The following FBXW9 variants were observed in gnomAD, a reference collection of about 807,000 sequenced individuals.
FBXW9 encodes the protein F-box and WD repeat domain containing 9, also known as F-box/WD repeat-containing protein 9.
In FBXW9, 38 loss-of-function variants were observed where a neutral mutation model predicts 55.8. The observed-to-expected ratio is 0.68, with a 90% CI of 0.53 to 0.89. FBXW9 has a LOEUF of 0.89. FBXW9 is among the 40% of genes least tolerant of loss of function. The pLI is 0.00. For synonymous variants in FBXW9, 289 were observed against 278.2 expected, an observed-to-expected ratio of 1.04 and a Z score of -0.38; for missense variants, 590 against 619.4, an observed-to-expected ratio of 0.95 and a Z score of 0.50.
Position 12,694,859 on chromosome 19 carries a change from G to A in FBXW9, c.489C>T (p.Val163=), listed in dbSNP as rs775815549. The A allele has an allele frequency of 5.6e-6, 9 of 1,614,054 alleles. No homozygotes were observed. In the Admixed American group the frequency reaches 8.3e-5, roughly 15 times the overall value. Reference sequence around the variant, plus strand: ...GGCCTTCGGCCAGGCAGAAGTATTCGACCCAGCGCCCATCCTCTGCCCAGC... The same window carrying A: ...GGCCTTCGGCCAGGCAGAAGTATTCAACCCAGCGCCCATCCTCTGCCCAGC... The part of the protein sequence containing the change: ...LSRWAEDGRW[V]EYFCLAEGHV... The change falls in exon 2 of 10, where the codon GTC becomes GTT. Residue 163 remains valine, a synonymous_variant. Transcript: ENST00000393261.
chr19:12,690,881 GTAT>G (rs759922002), intron 5 of FBXW9, among the ~76,000 whole-genome samples: 4 of 152,126 alleles, frequency 2.6e-5, no homozygotes, highest in Non-Finnish European at 5.9e-5. Flanking sequence ...GGCTGCTGTG[GTAT>G]TATTATCTGG....
At chr19:12,690,198 T>C in intron 5 of FBXW9, 88 bp from the exon 6 acceptor site, 1 of 1,588,748 alleles carries the variant, frequency 6.3e-7, no homozygotes, top group Non-Finnish European at 8.5e-7. Context: ...GTCTCCATCC[T>C]GTCTGGCAAA....
chr19:12,692,991 C>G (rs1028814860), intron 3 of FBXW9, among the ~76,000 whole-genome samples: 3 of 152,156 alleles, frequency 2.0e-5, no homozygotes, highest in Non-Finnish European at 2.9e-5. Flanking sequence ...CATCCCTTGC[C>G]TCAGGAGCTA....
At position 12,689,915 on chromosome 19, in the gene FBXW9, G is replaced by A; in HGVS notation, c.1033-41C>T. Reference sequence around the variant, plus strand: ...GGGACGGGACAGCTCAGGCCGGGCTGGGCCTGCAACAGTCCCCATCCCTCC... The same window carrying A: ...GGGACGGGACAGCTCAGGCCGGGCTAGGCCTGCAACAGTCCCCATCCCTCC... On this transcript the variant is annotated intron_variant, in intron 6 of 9. Coordinates refer to ENST00000393261, the MANE Select transcript of FBXW9 (RefSeq NM_032301.3). This position sits in a 1 kb window ranked among gnomAD's most constrained non-coding sequence, Gnocchi z 5.9. The A allele has an allele frequency of 1.2e-6, 2 of 1,612,058 alleles. No individual in the cohort carries two copies. Among genetic ancestry groups the A allele is most frequent in the Non-Finnish European group, 1.7e-6 (2 of 1,178,266 alleles).
rs139736936 is a variant in FBXW9, at chr19:12,691,155, C to G, written c.883+11G>C. ...CATCTCCCAACCTGGGCCCCAGGAC[C>G]CTTGGCCCACCTCTGGGGTCGTAGA... On this transcript the variant is annotated intron_variant, in intron 5 of 9. Transcript: ENST00000393261. The G allele has an allele frequency of 1.6e-3, 2,540 of 1,612,986 alleles. 40 individuals carry two copies. The African/African-American group carries it at 0.029, about 19-fold the overall frequency.
At chr19:12,692,651 C>T (rs952457166) in intron 3 of FBXW9, among the ~76,000 whole-genome samples, 6 of 151,456 alleles carry the variant, frequency 4.0e-5, no homozygotes, top group East Asian at 1.9e-4. Flanking sequence ...CCTCCCGAGT[C>T]GCTGGGACTA....
Position 12,689,234 on chromosome 19 carries a change from G to A in FBXW9, c.1359C>T (p.Val453=). ...VAGSGDLSLE[V]WRLQA The stretch of plus-strand genomic sequence containing the variant: ...CACCTGCTCAGGCCTGCAGCCTCCA[G>A]ACCTCTAGCGACAGGTCTCCAGAGC... Residue 453 remains valine, a synonymous_variant, in exon 10 of 10, where the codon GTC becomes GTT. Coordinates refer to ENST00000393261, the MANE Select transcript of FBXW9 (RefSeq NM_032301.3). The surrounding 1 kb of genome is among the most constrained non-coding windows in gnomAD (Gnocchi z 5.9). 2 of 1,613,168 alleles carry A rather than the reference G, an allele frequency of 1.2e-6. No individual in the cohort carries two copies. The highest frequency in any genetic ancestry group is 1.7e-6 in the Non-Finnish European group (2 of 1,179,058).
chr19:12,689,387 G>A lies in FBXW9; in HGVS notation c.1287C>T (p.Asp429=). The part of the protein sequence containing the change: ...PPRTICTRRH[D]NGLNRVCAEG... ...AGGACCTTACCCTATTGAGCCCATT[G>A]TCATGCCTTCGGGTGCAAATGGTCC... Residue 429 remains aspartate (D), a synonymous_variant, in exon 9 of 10, where the codon GAC becomes GAT. Coordinates refer to ENST00000393261, the MANE Select transcript of FBXW9 (RefSeq NM_032301.3). This position sits in a 1 kb window ranked among gnomAD's most constrained non-coding sequence, Gnocchi z 5.9. 7 of 1,614,180 alleles carry A rather than the reference G, an allele frequency of 4.3e-6. No homozygotes were observed. Among genetic ancestry groups the A allele is most frequent in the Non-Finnish European group, 5.9e-6 (7 of 1,180,028 alleles).
chr19:12,689,267 C>A lies in FBXW9; in HGVS notation c.1326G>T (p.Val442=). 4 of 1,614,250 alleles carry A rather than the reference C, an allele frequency of 2.5e-6. No individual in the cohort carries two copies. Among genetic ancestry groups the A allele is most frequent in the Non-Finnish European group, 2.5e-6 (3 of 1,180,036 alleles). The change falls in exon 10 of 10, where the codon GTG becomes GTT. Residue 442 remains valine, a synonymous_variant. Coordinates refer to ENST00000393261, the MANE Select transcript of FBXW9 (RefSeq NM_032301.3). This position sits in a 1 kb window ranked among gnomAD's most constrained non-coding sequence, Gnocchi z 5.9. The part of the protein sequence containing the change: ...LNRVCAEGNL[V]VAGSGDLSLE... Reference sequence around the variant, plus strand: ...GCGACAGGTCTCCAGAGCCGGCCACCACCAGGTTGCCCTCAGCACAGACCT... The same window carrying A: ...GCGACAGGTCTCCAGAGCCGGCCACAACCAGGTTGCCCTCAGCACAGACCT...
At position 12,689,827 on chromosome 19, in the gene FBXW9, C is replaced by G; in HGVS notation, c.1080G>C (p.Trp360Cys). The G allele has an allele frequency of 6.2e-7, 1 of 1,614,138 alleles. No individual in the cohort carries two copies. The highest frequency in any genetic ancestry group is 8.5e-7 in the Non-Finnish European group (1 of 1,180,010). ...GCAGCAGGCCCTGGTTGTCACCAGC[C>G]CAGAGCTGGGGTTCCTGGTAGGACA... Reference protein sequence around the residue: ...LCMSYQEPQLWAGDNQGLLHV... With the variant: ...LCMSYQEPQLCAGDNQGLLHV... Residue 360 changes from tryptophan (W) to cysteine (C), a missense_variant, in exon 7 of 10, where the codon TGG (tryptophan) becomes TGC (cysteine). By Grantham distance (215) the Trp-to-Cys change is radical. Transcript: ENST00000393261. The surrounding 1 kb of genome is among the most constrained non-coding windows in gnomAD (Gnocchi z 5.9).
chr19:12,691,812 G>A (rs1423597920), intron 3 of FBXW9, among the ~76,000 whole-genome samples: 1 of 151,882 alleles, frequency 6.6e-6, no homozygotes, highest in African/African-American at 2.4e-5. Flanking sequence ...CTGGAGTGCA[G>A]TGGCTTGATC....
rs181719290 is a variant in FBXW9, at chr19:12,689,725, G to A, written c.1146+36C>T. On this transcript the variant is annotated intron_variant, in intron 7 of 9. Transcript: ENST00000393261. The surrounding 1 kb of genome is among the most constrained non-coding windows in gnomAD (Gnocchi z 5.9). ...GGGCTCGGGTAGGAAGGAAGCCCGGGGGGAGGGACAGTCAGGGGCAGGAGC... is the reference window on the plus strand; with the variant it reads ...GGGCTCGGGTAGGAAGGAAGCCCGGAGGGAGGGACAGTCAGGGGCAGGAGC... 5.8e-5 allele frequency: 94 copies of A among 1,610,390 alleles called. No individual in the cohort carries two copies. The African/African-American group carries it at 1.1e-3, about 18-fold the overall frequency.
chr19:12,695,260 G>C (rs1158778520), intron 1 of FBXW9, among the ~76,000 whole-genome samples: 1 of 152,196 alleles, frequency 6.6e-6, no homozygotes, highest in African/African-American at 2.4e-5. Flanking sequence ...TCTGACCTCA[G>C]GCTCAGCATA....
At chr19:12,694,394 C>T (rs1001601805) in intron 3 of FBXW9, among the ~76,000 whole-genome samples, 200 bp downstream of exon 3, 1 of 150,974 alleles carries the variant, frequency 6.6e-6, no homozygotes. Context: ...ATGCATAATG[C>T]ATCTCCTTCA....
In FBXW9 at chr19:12,694,853, G is replaced by T; in HGVS notation, c.495C>A (p.Tyr165Ter). 6.2e-7 allele frequency: 1 copy of T among 1,614,128 alleles called. No individual in the cohort carries two copies. Among genetic ancestry groups the T allele is most frequent in the Non-Finnish European group, 8.5e-7 (1 of 1,180,030 alleles). ...CCACGTGGCCTTCGGCCAGGCAGAA[G>T]TATTCGACCCAGCGCCCATCCTCTG... ...RWAEDGRWVE[Y>*]FCLAEGHVAS... Residue 165 changes from tyrosine (Y) to a stop codon, truncating the protein, a stop_gained, in exon 2 of 10, where the codon TAC becomes TAA. Coordinates refer to ENST00000393261, the MANE Select transcript of FBXW9 (RefSeq NM_032301.3). LOFTEE classifies it high-confidence loss of function.
At position 12,689,549 on chromosome 19, in the gene FBXW9, T is replaced by G; in HGVS notation, c.1228A>C (p.Thr410Pro). The change falls in exon 8 of 10, where the codon ACC (threonine) becomes CCC (proline). Residue 410 changes from threonine (T) to proline (P), a missense_variant. Transcript: ENST00000393261. The surrounding 1 kb of genome is among the most constrained non-coding windows in gnomAD (Gnocchi z 5.9). ...CTGGGCAGGAGCCTCACCCGGATGG[T>G]CTTGTCAGTGGATGTGGTGTACAAG... The part of the protein sequence containing the change: ...GALYTTSTDK[T>P]IRVHVPTDPP... 6.2e-7 allele frequency: 1 copy of G among 1,613,914 alleles called. No individual in the cohort carries two copies. The highest frequency in any genetic ancestry group is 8.5e-7 in the Non-Finnish European group (1 of 1,179,960).
Position 12,689,639 on chromosome 19 carries a change from G to A in FBXW9, c.1147-9C>T, listed in dbSNP as rs780317159. ...TGGCCCACATCAAAGGACTGCAGGA[G>A]GAGGATCAGGCAACACTCAGTCGAG... On this transcript the variant is annotated splice_polypyrimidine_tract_variant and intron_variant, in intron 7 of 9. Coordinates refer to ENST00000393261, the MANE Select transcript of FBXW9 (RefSeq NM_032301.3). The surrounding 1 kb of genome is among the most constrained non-coding windows in gnomAD (Gnocchi z 5.9). 4 of 1,613,684 alleles carry A rather than the reference G, an allele frequency of 2.5e-6. No homozygotes were observed. The highest frequency in any genetic ancestry group is 1.7e-6 in the Non-Finnish European group (2 of 1,179,772).
At position 12,691,155 on chromosome 19, in the gene FBXW9, C is replaced by T; in HGVS notation, c.883+11G>A. ...CATCTCCCAACCTGGGCCCCAGGACCCTTGGCCCACCTCTGGGGTCGTAGA... is the reference window on the plus strand; with the variant it reads ...CATCTCCCAACCTGGGCCCCAGGACTCTTGGCCCACCTCTGGGGTCGTAGA... On this transcript the variant is annotated intron_variant, in intron 5 of 9. Coordinates refer to ENST00000393261, the MANE Select transcript of FBXW9 (RefSeq NM_032301.3). 1 of 1,612,986 alleles carries T rather than the reference C, an allele frequency of 6.2e-7. No homozygotes were observed. Among genetic ancestry groups the T allele is most frequent in the Non-Finnish European group, 8.5e-7 (1 of 1,179,008 alleles).
At chr19:12,690,314 C>T (rs552278054) in intron 5 of FBXW9, 10 of 762,456 alleles carry the variant, frequency 1.3e-5, no homozygotes, top group East Asian at 5.4e-5. Flanking sequence ...TGCCCATCCC[C>T]GTCCACATCC....
Sources: allele counts gnomAD v4.1 joint callset (sites outside exome capture counted in the v4.1 genomes callset), GRCh38; gene constraint gnomAD v4.1.1; non-coding constraint Gnocchi (gnomAD v3.1); transcripts MANE v1.5; gene names NCBI Gene and HGNC (gene_info 2026-07-23, HGNC 2026-07-21).